LUZP2: variants seen among roughly 807,000 people sequenced by gnomAD.
LUZP2 encodes leucine zipper protein 2.
LUZP2 carries 52 observed loss-of-function variants against 51.6 expected under a neutral mutation model. The ratio of observed to expected loss-of-function variants is 1.01; its 90% CI spans 0.81 to 1.27. The LOEUF is 1.27. Ranked by LOEUF, LUZP2 falls within the 50% of genes most tolerant of loss-of-function variation. The pLI is 0.00. For missense variants in LUZP2, 436 were observed against 395.4 expected, an observed-to-expected ratio of 1.10 and a Z score of -0.87; for synonymous variants, 154 against 137.3, an observed-to-expected ratio of 1.12 and a Z score of -0.85.
chr11:24,954,446 T>C (rs1000479594), intron 7 of LUZP2, among the ~76,000 whole-genome samples: 4 of 152,048 alleles, frequency 2.6e-5, no homozygotes, highest in Admixed American at 6.6e-5. Context: ...CTACCACTTG[T>C]GTTGTCTGTC....
chr11:25,043,548 G>C (rs1009936613), intron 9 of LUZP2, among the ~76,000 whole-genome samples: 20 of 78,326 alleles, frequency 2.6e-4, no homozygotes, highest in Admixed American at 6.4e-4. Context: ...GCAAAAAAAA[G>C]AAGCTCTGCA....
At chr11:24,935,368 A>C (rs969151579) in intron 7 of LUZP2, among the ~76,000 whole-genome samples, 5 of 152,176 alleles carry the variant, frequency 3.3e-5, no homozygotes. Flanking sequence ...TATTTCAGTG[A>C]ACTGGTTTCT....
intron 10 of LUZP2, among the ~76,000 whole-genome samples, chr11:25,055,942 T>C (rs1482879618): frequency 6.6e-6 from 1 of 152,154 alleles, no homozygotes; most frequent in Non-Finnish European, 1.5e-5. Flanking sequence ...ACAGTTAGCA[T>C]ATGACTAGCA....
intron 5 of LUZP2, among the ~76,000 whole-genome samples, chr11:24,796,489 A>ATC (rs1849547878): frequency 3.9e-5 from 3 of 77,130 alleles, no homozygotes. Flanking sequence ...GGTAATAATA[A>ATC]TCTGTGTGTG....
rs182724212 is a variant in LUZP2 at position 25,025,146 on chromosome 11, C to T, written c.766-24892C>T. Reference sequence around the variant, plus strand: ...CTTATACCTTATACAAAAATTAATTCGAGATGGATTAAAGACTTCAATGTT... The same window carrying T: ...CTTATACCTTATACAAAAATTAATTTGAGATGGATTAAAGACTTCAATGTT... On this transcript the variant is annotated intron_variant, in intron 9 of 11. Coordinates refer to ENST00000336930, the MANE Select transcript of LUZP2 (RefSeq NM_001009909.4). Among the ~76,000 whole-genome samples, 57 of 152,112 alleles carry T rather than the reference C, an allele frequency of 3.7e-4. 1 individual carries two copies. Among genetic ancestry groups the T allele is most frequent in the Non-Finnish European group, 6.5e-4 (44 of 67,982 alleles).
chr11:24,699,751 TTA>T (rs35901217), intron 1 of LUZP2, among the ~76,000 whole-genome samples: 25,666 of 147,152 alleles, frequency 0.17, 2,327 homozygotes, highest in East Asian at 0.32. Context: ...TACATATAAT[TTA>T]TATATATATA....
chr11:24,580,622 G>T (rs1852816594), intron 1 of LUZP2, among the ~76,000 whole-genome samples: 1 of 151,930 alleles, frequency 6.6e-6, no homozygotes, highest in South Asian at 2.1e-4. Context: ...ATTAAAATGA[G>T]CTCAGTAATA....
chr11:24,827,003 A>C (rs1850563153), intron 5 of LUZP2, among the ~76,000 whole-genome samples: 1 of 152,172 alleles, frequency 6.6e-6, no homozygotes, highest in Admixed American at 6.5e-5. Context: ...CTTTTCAATA[A>C]AATTATAATG....
At position 25,078,684 on chromosome 11, in the gene LUZP2, T is replaced by C; in HGVS notation, c.*26T>C. ...ATACTAAGAAACTGTGTTAAAAACG[T>C]CCATTTGCTATTGTCTTCATATTCT... On this transcript the variant is annotated 3_prime_UTR_variant, in exon 12 of 12. Transcript: ENST00000336930. 1.3e-6 allele frequency: 2 copies of C among 1,494,974 alleles called. No homozygotes were observed. The highest frequency in any genetic ancestry group is 9.2e-7 in the Non-Finnish European group (1 of 1,085,026). The allele number at this position is 1,494,974 out of a possible 1,614,324, so 92.6% of individuals were successfully genotyped here. A position where few individuals can be genotyped will look rare whatever the true frequency, so the allele number is the denominator to read the frequency against.
chr11:24,625,430 C>T (rs1854643433), intron 1 of LUZP2, among the ~76,000 whole-genome samples: 1 of 151,622 alleles, frequency 6.6e-6, no homozygotes, highest in South Asian at 2.1e-4. Context: ...AAAATGCTAA[C>T]TATATAAGGT....
At chr11:24,996,569 CTTTTTTTATTTTATT>C (rs1215022748) in intron 9 of LUZP2, among the ~76,000 whole-genome samples, 92 of 141,660 alleles carry the variant, frequency 6.5e-4, no homozygotes, top group South Asian at 3.4e-3. Context: ...TTTCTTTTTT[CTTTTTTTATTTTATT>C]TTATTTTATT....
chr11:24,647,104 G>A (rs954134348), intron 1 of LUZP2, among the ~76,000 whole-genome samples: 19 of 151,926 alleles, frequency 1.3e-4, no homozygotes, highest in African/African-American at 4.3e-4. Context: ...CTCTTTCCAC[G>A]CACTCATTGT....
In LUZP2 at chr11:24,957,931, G is replaced by A. The variant is rs1426792992; in HGVS notation, c.523-18660G>A. 2.0e-5 allele frequency among the ~76,000 whole-genome samples: 3 copies of A among 152,112 alleles called. No homozygotes were observed. In the East Asian group the frequency reaches 5.8e-4, roughly 29 times the overall value. On this transcript the variant is annotated intron_variant, in intron 7 of 11. Transcript: ENST00000336930. ...CCAACCCCACAACAGTCCCCAGAGTGTGATGTTCCCCTTCCTGTGTCCATG... is the reference window on the plus strand; with the variant it reads ...CCAACCCCACAACAGTCCCCAGAGTATGATGTTCCCCTTCCTGTGTCCATG...
chr11:24,844,188 C>G (rs960193794), intron 5 of LUZP2, among the ~76,000 whole-genome samples: 2 of 152,122 alleles, frequency 1.3e-5, no homozygotes, highest in Non-Finnish European at 2.9e-5. Flanking sequence ...CCCAATAATA[C>G]AGATAATGAT....
rs192159500 is a variant in LUZP2, at chr11:24,911,059, C to T, written c.460-3417C>T. 1.2e-3 allele frequency among the ~76,000 whole-genome samples: 184 copies of T among 152,268 alleles called. 3 individuals are homozygous for T. In the South Asian group the frequency reaches 0.024, roughly 20 times the overall value. On this transcript the variant is annotated intron_variant, in intron 6 of 11. Coordinates refer to ENST00000336930, the MANE Select transcript of LUZP2 (RefSeq NM_001009909.4). ...TTGGAACTTTAAGGTTTAATGACTG[C>T]GCTATTGGCTTTCAGCATTGCATGG... is the stretch of plus-strand genomic sequence containing the variant.
intron 9 of LUZP2, among the ~76,000 whole-genome samples, chr11:25,019,036 A>G (rs995335082): frequency 6.6e-6 from 1 of 152,182 alleles, no homozygotes; most frequent in African/African-American, 2.4e-5. Context: ...CACATTATCA[A>G]CATTTTACGC....
At chr11:24,501,312 G>A (rs1849986027) in intron 1 of LUZP2, among the ~76,000 whole-genome samples, 1 of 152,066 alleles carries the variant, frequency 6.6e-6, no homozygotes, top group South Asian at 2.1e-4. Flanking sequence ...TATCTTTGTG[G>A]ATTAAATTTT....
At chr11:24,640,467 G>T (rs762924574) in intron 1 of LUZP2, among the ~76,000 whole-genome samples, 1 of 151,836 alleles carries the variant, frequency 6.6e-6, no homozygotes, top group Admixed American at 6.6e-5. Context: ...CTGATGGTTT[G>T]GTTTGAGCAC....
At chr11:24,733,011 A>G (rs561610294) in intron 3 of LUZP2, among the ~76,000 whole-genome samples, 1 of 150,508 alleles carries the variant, frequency 6.6e-6, no homozygotes, top group Non-Finnish European at 1.5e-5. Context: ...CACTGATCAC[A>G]ACGCAAAAAA....
Sources: allele counts gnomAD v4.1 joint callset (sites outside exome capture counted in the v4.1 genomes callset), GRCh38; gene constraint gnomAD v4.1.1; transcripts MANE v1.5; gene names NCBI Gene and HGNC (gene_info 2026-07-23, HGNC 2026-07-21).